The following MRPS27 variants were observed in gnomAD, a reference collection of about 807,000 sequenced individuals.
The protein encoded by MRPS27 is small ribosomal subunit protein mS27.
A neutral mutation model predicts 48.9 loss-of-function variants in MRPS27; 43 were observed. The ratio of observed to expected loss-of-function variants is 0.88; its 90% CI spans 0.69 to 1.13. The LOEUF is 1.13. Among genes scored for constraint, MRPS27 ranks in the 50% most tolerant of loss-of-function variants. The pLI, the probability that MRPS27 is intolerant of heterozygous loss-of-function variation, is 0.00. For synonymous variants in MRPS27, 188 were observed against 171.9 expected (o/e 1.09, Z -0.73); for missense variants, 467 against 476.3 (o/e 0.98, Z 0.18).
At chr5:72,266,883 C>T (rs1386701926) in intron 4 of MRPS27, among the ~76,000 whole-genome samples, 2 of 151,938 alleles carry the variant, frequency 1.3e-5, no homozygotes, top group African/African-American at 2.4e-5. Context: ...AGATGAAGCC[C>T]GAAATGTGGT....
intron 4 of MRPS27, among the ~76,000 whole-genome samples, chr5:72,272,362 G>C (rs182381650): frequency 2.0e-4 from 31 of 152,294 alleles, no homozygotes; most frequent in Non-Finnish European, 3.5e-4. Flanking sequence ...AGCTCATTGT[G>C]CATAAACTGT....
rs147977109 is a variant in MRPS27, at chr5:72,245,919, A to G, written c.282-7791T>C. ...TTTAAACATTCTGATTCTCTAACAC[A>G]TGAAAAAGTTGAATCCCTAGGCATT... On this transcript the variant is annotated intron_variant, in intron 4 of 10. Coordinates refer to ENST00000261413, the MANE Select transcript of MRPS27 (RefSeq NM_015084.3). 1.2e-3 allele frequency among the ~76,000 whole-genome samples: 177 copies of G among 152,354 alleles called. 7 individuals carry two copies. The East Asian group carries it at 0.029, about 25-fold the overall frequency.
At chr5:72,283,929 T>C (rs1749597235) in intron 4 of MRPS27, among the ~76,000 whole-genome samples, 1 of 152,118 alleles carries the variant, frequency 6.6e-6, no homozygotes, top group South Asian at 2.1e-4. Context: ...CTATGTACAT[T>C]TCTCTCTTTA....
chr5:72,275,993 GGAAAAAAGGA>G (rs796756362), intron 4 of MRPS27, among the ~76,000 whole-genome samples: 88 of 150,688 alleles, frequency 5.8e-4, no homozygotes, highest in African/African-American at 1.8e-3. Flanking sequence ...AAGGAAAAAA[GGAAAAAAGGA>G]GAAAAAAGGA....
At chr5:72,266,624 C>T (rs1296812151) in intron 4 of MRPS27, among the ~76,000 whole-genome samples, 1 of 152,158 alleles carries the variant, frequency 6.6e-6, no homozygotes, top group East Asian at 1.9e-4. Flanking sequence ...CTTTGGGAGG[C>T]CGAGGTGGGC....
At chr5:72,225,959 A>C (rs1561328499) in intron 9 of MRPS27, 98 bp downstream of exon 9, 8 of 1,394,064 alleles carry the variant, frequency 5.7e-6, no homozygotes, top group Non-Finnish European at 7.7e-6. Flanking sequence ...AGACATATAG[A>C]AAGTAGGGGT....
intron 5 of MRPS27, among the ~76,000 whole-genome samples, 161 bp downstream of exon 5, chr5:72,237,853 A>C (rs542002440): frequency 6.6e-6 from 1 of 152,076 alleles, no homozygotes; most frequent in African/African-American, 2.4e-5. Context: ...TTAATTTATT[A>C]ATGAACTTAT....
intron 1 of MRPS27, among the ~76,000 whole-genome samples, chr5:72,319,042 C>T (rs1171085052): frequency 1.3e-5 from 2 of 151,890 alleles, no homozygotes; most frequent in African/African-American, 4.8e-5. Context: ...AATGGCTGTT[C>T]CTAAAGAAGT....
At chr5:72,266,167 G>T (rs140295765) in intron 4 of MRPS27, among the ~76,000 whole-genome samples, 1 of 152,288 alleles carries the variant, frequency 6.6e-6, no homozygotes, top group Admixed American at 6.5e-5. Flanking sequence ...AAGAATAACA[G>T]TGAGGCATGA....
At chr5:72,285,417 AT>A (rs1749646560) in intron 4 of MRPS27, among the ~76,000 whole-genome samples, 1 of 152,206 alleles carries the variant, frequency 6.6e-6, no homozygotes, top group Admixed American at 6.5e-5. Context: ...TGTTACATAA[AT>A]TCAGTAAATT....
chr5:72,284,675 T>C (rs1264622493), intron 4 of MRPS27, among the ~76,000 whole-genome samples: 1 of 152,218 alleles, frequency 6.6e-6, no homozygotes, highest in Non-Finnish European at 1.5e-5. Context: ...TCCAGAGATA[T>C]TTTATGTACA....
chr5:72,316,337 C>A (rs964497321), intron 1 of MRPS27, among the ~76,000 whole-genome samples: 5 of 152,148 alleles, frequency 3.3e-5, no homozygotes, highest in South Asian at 2.1e-4. Flanking sequence ...TGTGTTTATA[C>A]TAAAACCTTT....
chr5:72,297,557 A>T, intron 3 of MRPS27, 75 bp downstream of exon 3: 2 of 847,748 alleles, frequency 2.4e-6, no homozygotes, highest in South Asian at 1.7e-5. Flanking sequence ...TTATTTACAC[A>T]GCCTCATCTA....
At chr5:72,239,226 T>G (rs1194240629) in intron 4 of MRPS27, among the ~76,000 whole-genome samples, 1 of 152,204 alleles carries the variant, frequency 6.6e-6, no homozygotes, top group East Asian at 1.9e-4. Context: ...AGAGGCTGAT[T>G]ATTCAGTCTG....
At chr5:72,223,533 C>T in intron 10 of MRPS27, 150 bp downstream of exon 10, 1 of 950,476 alleles carries the variant, frequency 1.1e-6, no homozygotes, top group Non-Finnish European at 1.5e-6. Flanking sequence ...AAGACCACTT[C>T]CTGTGCAAAG....
intron 5 of MRPS27, among the ~76,000 whole-genome samples, chr5:72,236,373 G>C (rs980249252): frequency 6.6e-6 from 1 of 152,112 alleles, no homozygotes; most frequent in Admixed American, 6.6e-5. Context: ...ACAGTTATTT[G>C]CCTAAAGTTA....
At chr5:72,244,234 T>A (rs1748446020) in intron 4 of MRPS27, among the ~76,000 whole-genome samples, 1 of 152,132 alleles carries the variant, frequency 6.6e-6, no homozygotes, top group Middle Eastern at 3.4e-3. Context: ...TGGTAGAGAA[T>A]AACAGGGGCA....
chr5:72,282,458 T>G (rs1749556578), intron 4 of MRPS27, among the ~76,000 whole-genome samples: 1 of 152,180 alleles, frequency 6.6e-6, no homozygotes, highest in African/African-American at 2.4e-5. Context: ...CTCATTGCCC[T>G]GTAGCTATAA....
intron 4 of MRPS27, chr5:72,241,656 T>G (rs1169381331): frequency 6.5e-7 from 1 of 1,535,400 alleles, no homozygotes; most frequent in Non-Finnish European, 8.7e-7. Flanking sequence ...CCTGGAATAA[T>G]TCTGTGGATT....
Sources: gnomAD v4.1 joint callset for allele counts (sites outside exome capture counted in the v4.1 genomes callset) on GRCh38, gnomAD v4.1.1 for gene constraint, MANE v1.5 for transcripts, NCBI Gene and HGNC (gene_info 2026-07-23, HGNC 2026-07-21) for gene names.